Variants in LCLAT1 observed in about 807,000 individuals in gnomAD.
LCLAT1 encodes 1-AGP acyltransferase 8.
Under a neutral mutation model 30.7 loss-of-function variants are expected in LCLAT1, and 11 were observed. The ratio of observed to expected loss-of-function variants is 0.36; its 90% CI spans 0.23 to 0.59. The LOEUF is 0.59. Among genes scored for constraint, LCLAT1 ranks in the 20% least tolerant of loss-of-function variants. LCLAT1 has a pLI of 0.77. For synonymous variants in LCLAT1, 155 were observed against 151.3 expected, an observed-to-expected ratio of 1.02 and a Z score of -0.18; for missense variants, 402 against 458.6, an observed-to-expected ratio of 0.88 and a Z score of 1.13.
intron 5 of LCLAT1, among the ~76,000 whole-genome samples, chr2:30,574,260 A>G (rs1357863695): frequency 6.6e-6 from 1 of 152,180 alleles, no homozygotes; most frequent in African/African-American, 2.4e-5. Context: ...AAAACATGTT[A>G]TAAGTTTCTA....
At chr2:30,555,723 G>A (rs1445317675) in intron 3 of LCLAT1, among the ~76,000 whole-genome samples, 1 of 151,856 alleles carries the variant, frequency 6.6e-6, no homozygotes, top group Non-Finnish European at 1.5e-5. Context: ...AAATACATTT[G>A]TCAAAAATGG....
chr2:30,634,988 T>C (rs1282760204), intron 5 of LCLAT1, among the ~76,000 whole-genome samples: 2 of 152,214 alleles, frequency 1.3e-5, no homozygotes, highest in African/African-American at 4.8e-5. Context: ...TGATAGGATA[T>C]GAGAAATCAG....
At chr2:30,492,992 G>A (rs1683907604) in intron 1 of LCLAT1, among the ~76,000 whole-genome samples, 1 of 151,990 alleles carries the variant, frequency 6.6e-6, no homozygotes, top group Admixed American at 6.6e-5. Flanking sequence ...TACCTTATTA[G>A]CCCAGACCCG....
rs1200707548 is a variant in LCLAT1 at position 30,641,532 on chromosome 2, T to G, written c.*913T>G. On this transcript the variant is annotated 3_prime_UTR_variant, in exon 6 of 6. Transcript: ENST00000379509. ...TTACAACCTACCAAAAAAGGAAGGT[T>G]GTTTTTTCTACATGTGCTTGGGTAT... The G allele has an allele frequency of 6.6e-6, 1 of 152,224 alleles. No homozygotes were observed. Among genetic ancestry groups the G allele is most frequent in the East Asian group, 1.9e-4 (1 of 5,200 alleles). 9.4% of individuals were successfully genotyped at this position (152,224 alleles called of 1,614,324 possible).
chr2:30,531,403 G>T (rs1253928537), intron 2 of LCLAT1, among the ~76,000 whole-genome samples: 2 of 152,210 alleles, frequency 1.3e-5, no homozygotes, highest in East Asian at 3.8e-4. Flanking sequence ...GTTATAATTA[G>T]TTGAGCGGTT....
intron 1 of LCLAT1, among the ~76,000 whole-genome samples, chr2:30,472,203 A>G (rs1401392101): frequency 2.6e-5 from 4 of 152,332 alleles, no homozygotes; most frequent in Middle Eastern, 6.8e-3. Context: ...GGGCAAGAAT[A>G]TACAGAAAGC....
chr2:30,555,839 CTTTT>C (rs67813132), intron 3 of LCLAT1, among the ~76,000 whole-genome samples: 4 of 127,100 alleles, frequency 3.1e-5, no homozygotes, highest in Non-Finnish European at 3.3e-5. Flanking sequence ...TTTTCTTTTT[CTTTT>C]TTTTTTTTTT....
In LCLAT1 at chr2:30,640,768, G is replaced by A. The variant is rs1333744104; in HGVS notation, c.*149G>A. 2 of 991,536 alleles carry A rather than the reference G, an allele frequency of 2.0e-6. No homozygotes were observed. The highest frequency in any genetic ancestry group is 2.9e-6 in the Non-Finnish European group (2 of 699,844). 61.4% of individuals were successfully genotyped at this position (991,536 alleles called of 1,614,324 possible). A position where few individuals can be genotyped will look rare whatever the true frequency, so the allele number is the denominator to read the frequency against. On this transcript the variant is annotated 3_prime_UTR_variant, in exon 6 of 6. Coordinates refer to ENST00000379509, the MANE Select transcript of LCLAT1 (RefSeq NM_001002257.3). ...AAGATATTTTGCACTTAATTTTGTG[G>A]GAAAAATATTGCTACAATTTTTTTT...
chr2:30,464,407 A>C (rs1406736142), intron 1 of LCLAT1, among the ~76,000 whole-genome samples: 1 of 152,206 alleles, frequency 6.6e-6, no homozygotes, highest in African/African-American at 2.4e-5. Context: ...TTTAGAGGAT[A>C]AAAATAAATT....
At chr2:30,478,070 T>TAAAAAAAAAAAA (rs79364091) in intron 1 of LCLAT1, among the ~76,000 whole-genome samples, 1 of 114,972 alleles carries the variant, frequency 8.7e-6, no homozygotes, top group African/African-American at 3.2e-5. Flanking sequence ...AGTGAGGGAT[T>TAAAAAAAAAAAA]AAAAAAAAAA....
chr2:30,627,703 T>C (rs1435367168), intron 5 of LCLAT1, among the ~76,000 whole-genome samples: 1 of 152,192 alleles, frequency 6.6e-6, no homozygotes, highest in African/African-American at 2.4e-5. Flanking sequence ...TTTTTTCCTT[T>C]TAACTACAAA....
At chr2:30,566,885 C>G (rs1665509323) in intron 4 of LCLAT1, among the ~76,000 whole-genome samples, 2 of 152,198 alleles carry the variant, frequency 1.3e-5, no homozygotes, top group African/African-American at 4.8e-5. Flanking sequence ...GACTCCGTAA[C>G]TATATTCAGC....
intron 2 of LCLAT1, among the ~76,000 whole-genome samples, chr2:30,530,983 T>A (rs1259960837): frequency 6.6e-6 from 1 of 152,128 alleles, no homozygotes; most frequent in Non-Finnish European, 1.5e-5. Context: ...TTTTAACTCT[T>A]GGCCGGGCAC....
intron 1 of LCLAT1, chr2:30,447,643 A>C (rs955168021): frequency 1.4e-4 from 22 of 152,324 alleles, no homozygotes; most frequent in Admixed American, 3.9e-4. Flanking sequence ...TCAGGTGCTG[A>C]GGGGCCGCGC....
Position 30,640,886 on chromosome 2 carries a change from C to T in LCLAT1, c.*267C>T. The T allele has an allele frequency of 2.8e-6, 1 of 357,612 alleles. No homozygotes were observed. The highest frequency in any genetic ancestry group is 5.1e-6 in the Non-Finnish European group (1 of 196,550). 22.2% of individuals were successfully genotyped at this position (357,612 alleles called of 1,614,324 possible). ...AGAATATTATTAAACAATCATCAGG[C>T]TTTTAGCGACAAGGAACACACACAT... On this transcript the variant is annotated 3_prime_UTR_variant, in exon 6 of 6. Transcript: ENST00000379509.
At chr2:30,554,969 T>C (rs974633319) in intron 3 of LCLAT1, among the ~76,000 whole-genome samples, 5 of 148,730 alleles carry the variant, frequency 3.4e-5, no homozygotes, top group Non-Finnish European at 6.0e-5. Flanking sequence ...ATGTTTTCTA[T>C]ATTAAAGAAA....
intron 1 of LCLAT1, among the ~76,000 whole-genome samples, chr2:30,479,022 A>G (rs1683190855): frequency 6.6e-6 from 1 of 152,124 alleles, no homozygotes; most frequent in Admixed American, 6.5e-5. Context: ...TCATAATGGC[A>G]TTATTCATAT....
intron 3 of LCLAT1, among the ~76,000 whole-genome samples, chr2:30,558,581 G>A (rs1171541847): frequency 1.7e-5 from 2 of 118,892 alleles, no homozygotes; most frequent in East Asian, 5.2e-4. Context: ...TTGGGTGACA[G>A]AGCAAGACTT....
At chr2:30,463,163 A>C (rs1682250315) in intron 1 of LCLAT1, among the ~76,000 whole-genome samples, 1 of 151,802 alleles carries the variant, frequency 6.6e-6, no homozygotes, top group Non-Finnish European at 1.5e-5. Flanking sequence ...ATTTATAAAA[A>C]ATATATGAAG....
Sources: allele counts gnomAD v4.1 joint callset (sites outside exome capture counted in the v4.1 genomes callset), GRCh38; gene constraint gnomAD v4.1.1; transcripts MANE v1.5; gene names NCBI Gene and HGNC (gene_info 2026-07-23, HGNC 2026-07-21).